The following MFGE8 variants were observed in gnomAD, a reference collection of about 807,000 sequenced individuals.
MFGE8 encodes milk fat globule EGF and factor V/VIII domain containing, also known as lactadherin.
Under a neutral mutation model 42.6 loss-of-function variants are expected in MFGE8, and 34 were observed. That is an observed-to-expected ratio of 0.80 (90% CI 0.61 to 1.06). The LOEUF is 1.06. Among genes scored for constraint, MFGE8 ranks in the 50% least tolerant of loss-of-function variants. MFGE8 has a pLI of 0.00. For missense variants in MFGE8, 510 were observed against 516.9 expected, an observed-to-expected ratio of 0.99 and a Z score of 0.13; for synonymous variants, 230 against 214.8, an observed-to-expected ratio of 1.07 and a Z score of -0.62.
Position 88,899,754 on chromosome 15 carries a change from A to C in MFGE8, c.928T>G (p.Phe310Val). The C allele has an allele frequency of 3.7e-6, 6 of 1,614,158 alleles. No homozygotes were observed. Among genetic ancestry groups the C allele is most frequent in the Non-Finnish European group, 5.1e-6 (6 of 1,179,996 alleles). The change falls in exon 7 of 8, where the codon TTT (phenylalanine) becomes GTT (valine). Residue 310 changes from phenylalanine (F) to valine (V), a missense_variant. Transcript: ENST00000268150. The surrounding 1 kb of genome is among the most constrained non-coding windows in gnomAD (Gnocchi z 6.8). ...TGIITQGARN[F>V]GSVQFVASYK... ...GATGCCACAAACTGGACAGAGCCAA[A>C]GTTACGGGCCCCCTGGGTGATGATG...
rs904758398 is a variant in MFGE8 at position 88,902,249 on chromosome 15, A to T, written c.686-514T>A. The stretch of plus-strand genomic sequence containing the variant: ...CATTTAACCTGCCACCAAAAAAAAA[A>T]AGAAAAAAAAACACTAAATGAAGTA... On this transcript the variant is annotated intron_variant, in intron 5 of 7. Transcript: ENST00000268150. The surrounding 1 kb of genome is among the most constrained non-coding windows in gnomAD (Gnocchi z 4.3). 6.4e-6 allele frequency: 1 copy of T among 157,402 alleles called. No homozygotes were observed. The highest frequency in any genetic ancestry group is 6.1e-5 in the Admixed American group (1 of 16,428). The allele number at this position is 157,402 out of a possible 1,614,324, so 9.8% of individuals were successfully genotyped here.
intron 2 of MFGE8, among the ~76,000 whole-genome samples, chr15:88,907,707 C>CGT (rs1555414370): frequency 5.0e-5 from 1 of 19,806 alleles, no homozygotes; most frequent in Admixed American, 4.8e-4. Context: ...AAAGTAGAGT[C>CGT]CCCCCCGCCA....
At chr15:88,911,020 C>T (rs1369867499) in intron 1 of MFGE8, 1 of 152,258 alleles carries the variant, frequency 6.6e-6, no homozygotes, top group Non-Finnish European at 1.5e-5. Context: ...CATGTGCAGA[C>T]ATGCCGCTGA....
At chr15:88,907,808 A>AC (rs1371424701) in intron 2 of MFGE8, among the ~76,000 whole-genome samples, 1 of 151,170 alleles carries the variant, frequency 6.6e-6, no homozygotes, top group African/African-American at 2.4e-5. Context: ...TACCGGTGTG[A>AC]CCCCCTCTTC....
rs1878326 is a variant in MFGE8, at chr15:88,907,356, G to T, written c.226C>A (p.Leu76Met). 0.65 allele frequency: 1,040,903 copies of T among 1,613,522 alleles called. 338,508 individuals carry two copies. The highest frequency in any genetic ancestry group is 0.78 in the African/African-American group (58,630 of 74,982). The change falls in exon 3 of 8, where the codon CTG becomes ATG. Residue 76 changes from leucine (L) to methionine (M), a missense_variant. Coordinates refer to ENST00000268150, the MANE Select transcript of MFGE8 (RefSeq NM_005928.4). ...GAGTTGGCAATGTTCCCATTCTCCA[G>T]GCCCAGTGGCTCGACACATTCTGAG... ...CETKCVEPLG[L>M]ENGNIANSQI... is the part of the protein sequence containing the mutation.
chr15:88,906,167 T>C lies in MFGE8; in HGVS notation c.541-266A>G. 2 of 550,478 alleles carry C rather than the reference T, an allele frequency of 3.6e-6. 1 individual carries two copies. Among genetic ancestry groups the C allele is most frequent in the South Asian group, 4.1e-5 (2 of 49,134 alleles). 34.1% of individuals were successfully genotyped at this position (550,478 alleles called of 1,614,324 possible). A position where few individuals can be genotyped will look rare whatever the true frequency, so the allele number is the denominator to read the frequency against. ...AGCTGACACAGGGCCACCTGTAACC[T>C]ACAGGGTACCTCTTTGCAAATTAGG... On this transcript the variant is annotated intron_variant, in intron 4 of 7. Transcript: ENST00000268150. This position sits in a 1 kb window ranked among gnomAD's most constrained non-coding sequence, Gnocchi z 4.2.
chr15:88,909,655 C>T, intron 2 of MFGE8, 137 bp downstream of exon 2: 2 of 1,283,548 alleles, frequency 1.6e-6, no homozygotes, highest in Non-Finnish European at 2.3e-6. Flanking sequence ...TCTGAGTCTC[C>T]CCAGAGGAGG....
chr15:88,912,546 C>T lies in MFGE8; in HGVS notation c.73+701G>A, dbSNP rs538572549. 48 of 985,392 alleles carry T rather than the reference C, an allele frequency of 4.9e-5. No individual in the cohort carries two copies. The African/African-American group carries it at 7.7e-4, about 16-fold the overall frequency. 61.0% of individuals were successfully genotyped at this position (985,392 alleles called of 1,614,324 possible). On this transcript the variant is annotated intron_variant, in intron 1 of 7. Transcript: ENST00000268150. ...TGGCACGGGGCATCCGCAAGTCCAG[C>T]CTGCAAGGGGCCCAGCTGGCCTCCG...
chr15:88,898,857 G>A lies in MFGE8; in HGVS notation c.*538C>T, dbSNP rs1898229550. On this transcript the variant is annotated 3_prime_UTR_variant, in exon 8 of 8. Coordinates refer to ENST00000268150, the MANE Select transcript of MFGE8 (RefSeq NM_005928.4). ...TCTGTGTCGCTGGGCTTCAGGACAA[G>A]GGGCAAGAGAGGCAACCAGGGAGAC... The A allele has an allele frequency of 5.5e-6, 1 of 182,514 alleles. No individual in the cohort carries two copies. The highest frequency in any genetic ancestry group is 1.2e-5 in the Non-Finnish European group (1 of 85,272). The allele number at this position is 182,514 out of a possible 1,614,324, so 11.3% of individuals were successfully genotyped here. A position where few individuals can be genotyped will look rare whatever the true frequency, so the allele number is the denominator to read the frequency against.
chr15:88,909,558 G>C (rs754110832), intron 2 of MFGE8, among the ~76,000 whole-genome samples: 1 of 152,242 alleles, frequency 6.6e-6, no homozygotes, highest in African/African-American at 2.4e-5. Flanking sequence ...CTGGCCGGCA[G>C]TCTCAGGAAA....
chr15:88,905,874 CG>C lies in MFGE8; in HGVS notation c.567del (p.Asn189LysfsTer17). On this transcript the variant is annotated frameshift_variant, in exon 5 of 8. Coordinates refer to ENST00000268150, the MANE Select transcript of MFGE8 (RefSeq NM_005928.4). LOFTEE classifies it high-confidence loss of function. The surrounding 1 kb of genome is among the most constrained non-coding windows in gnomAD (Gnocchi z 6.6). The stretch of plus-strand genomic sequence containing the variant: ...GTCTCAAACAGGTTGACATGCACCG[CG>C]TTTTTGTTCCAGTTACCCACAAACT... The part of the protein sequence containing the change: ...HKEFVGNWNK[N>X]AVHVNLFETP... The C allele has an allele frequency of 6.2e-7, 1 of 1,614,160 alleles. No homozygotes were observed. Among genetic ancestry groups the C allele is most frequent in the Non-Finnish European group, 8.5e-7 (1 of 1,180,022 alleles).
intron 6 of MFGE8, chr15:88,900,794 G>A (rs1178729446): frequency 2.1e-6 from 2 of 971,582 alleles, no homozygotes; most frequent in South Asian, 4.8e-5. Flanking sequence ...GTCACATGGT[G>A]GCTTCTTAGA....
At position 88,906,011 on chromosome 15, in the gene MFGE8, G is replaced by C; in HGVS notation, c.541-110C>G. 1.5e-6 allele frequency: 2 copies of C among 1,346,880 alleles called. No individual in the cohort carries two copies. The highest frequency in any genetic ancestry group is 2.1e-6 in the Non-Finnish European group (2 of 946,360). 83.4% of individuals were successfully genotyped at this position (1,346,880 alleles called of 1,614,324 possible). On this transcript the variant is annotated intron_variant, in intron 4 of 7. Coordinates refer to ENST00000268150, the MANE Select transcript of MFGE8 (RefSeq NM_005928.4). The surrounding 1 kb of genome is among the most constrained non-coding windows in gnomAD (Gnocchi z 4.2). ...CTGGGAGGCAGAGGTGGGGCTGGGA[G>C]GGTGAAGAGGACTTGGAAGAGCCAG...
At chr15:88,910,848 G>A (rs1294680715) in intron 1 of MFGE8, 1 of 152,222 alleles carries the variant, frequency 6.6e-6, no homozygotes, top group African/African-American at 2.4e-5. Flanking sequence ...CCGTAGAGCA[G>A]TGGCTTTTAA....
At chr15:88,907,100 C>A in intron 3 of MFGE8, 95 bp downstream of exon 3, 1 of 1,469,904 alleles carries the variant, frequency 6.8e-7, no homozygotes. Context: ...CACCTGAACC[C>A]CAGTGATGAA....
Position 88,899,062 on chromosome 15 carries a change from G to A in MFGE8, c.*333C>T, listed in dbSNP as rs1208743572. ...GGGGCTAGGAGAGACAGAGACACACGCACCTGGGATCGGCGGTCCGGACAG... is the reference window on the plus strand; with the variant it reads ...GGGGCTAGGAGAGACAGAGACACACACACCTGGGATCGGCGGTCCGGACAG... On this transcript the variant is annotated 3_prime_UTR_variant, in exon 8 of 8. Transcript: ENST00000268150. This position sits in a 1 kb window ranked among gnomAD's most constrained non-coding sequence, Gnocchi z 6.8. The A allele has an allele frequency of 1.5e-5, 6 of 409,330 alleles. No individual in the cohort carries two copies. The highest frequency in any genetic ancestry group is 2.3e-5 in the Non-Finnish European group (5 of 216,700). 25.4% of individuals were successfully genotyped at this position (409,330 alleles called of 1,614,324 possible).
Position 88,906,390 on chromosome 15 carries a change from C to T in MFGE8, c.540+236G>A. 1 of 547,538 alleles carries T rather than the reference C, an allele frequency of 1.8e-6. No homozygotes were observed. The highest frequency in any genetic ancestry group is 3.3e-6 in the Non-Finnish European group (1 of 300,430). 33.9% of individuals were successfully genotyped at this position (547,538 alleles called of 1,614,324 possible). On this transcript the variant is annotated intron_variant, in intron 4 of 7. Coordinates refer to ENST00000268150, the MANE Select transcript of MFGE8 (RefSeq NM_005928.4). The surrounding 1 kb of genome is among the most constrained non-coding windows in gnomAD (Gnocchi z 4.2). ...ACCACCACTATCACCCTCAACAGGT[C>T]ACTGTGCCATTTTGAATCTCACTAG... is the stretch of plus-strand genomic sequence containing the variant.
intron 1 of MFGE8, chr15:88,910,437 C>G (rs561250062): frequency 6.3e-5 from 14 of 223,780 alleles, no homozygotes; most frequent in Non-Finnish European, 1.3e-4. Context: ...TCAGGAACAG[C>G]ACGATGATCA....
In MFGE8 at chr15:88,902,200, T is replaced by C. The variant is rs1395711201; in HGVS notation, c.686-465A>G. The C allele has an allele frequency of 5.6e-6, 1 of 179,376 alleles. No individual in the cohort carries two copies. The highest frequency in any genetic ancestry group is 1.2e-5 in the Non-Finnish European group (1 of 83,786). 11.1% of individuals were successfully genotyped at this position (179,376 alleles called of 1,614,324 possible). A position where few individuals can be genotyped will look rare whatever the true frequency, so the allele number is the denominator to read the frequency against. On this transcript the variant is annotated intron_variant, in intron 5 of 7. Coordinates refer to ENST00000268150, the MANE Select transcript of MFGE8 (RefSeq NM_005928.4). The surrounding 1 kb of genome is among the most constrained non-coding windows in gnomAD (Gnocchi z 4.3). ...CTATCTACTTTAATAACAACCACAT[T>C]GTTTATTCAGTGCTTACTTCAGTCA... is the stretch of plus-strand genomic sequence containing the variant.
Sources: allele counts gnomAD v4.1 joint callset (sites outside exome capture counted in the v4.1 genomes callset), GRCh38; gene constraint gnomAD v4.1.1; non-coding constraint Gnocchi (gnomAD v3.1); transcripts MANE v1.5; gene names NCBI Gene and HGNC (gene_info 2026-07-23, HGNC 2026-07-21).